Variants in LPIN2 observed in about 807,000 individuals in gnomAD.
The protein encoded by LPIN2 is phosphatidate phosphatase LPIN2.
A neutral mutation model predicts 111.4 loss-of-function variants in LPIN2; 55 were observed. That is an observed-to-expected ratio of 0.49 (90% CI 0.40 to 0.62). The LOEUF (loss-of-function observed/expected upper bound fraction) is 0.62. Among genes scored for constraint, LPIN2 ranks in the 20% least tolerant of loss-of-function variants. The pLI is 0.00. For synonymous variants in LPIN2, 425 were observed against 414.0 expected (o/e 1.03, Z -0.32); for missense variants, 992 against 1,112.1 (o/e 0.89, Z 1.54).
rs758110796 is a variant in LPIN2 at position 2,934,373 on chromosome 18, C to CAA, written c.1244_1245dup (p.Ala416LeufsTer91). ...TACCTTTTAGGGAAATAAAGAGCTGCAACTTCAGGTTCTAGACCCTTTAAG... is the reference window on the plus strand; with the variant it reads ...TACCTTTTAGGGAAATAAAGAGCTGCAAAACTTCAGGTTCTAGACCCTTTAAG... On this transcript the variant is annotated frameshift_variant, in exon 8 of 20. Transcript: ENST00000677752. LOFTEE classifies it high-confidence loss of function. 6.2e-7 allele frequency: 1 copy of CAA among 1,613,194 alleles called. No homozygotes were observed. The highest frequency in any genetic ancestry group is 8.5e-7 in the Non-Finnish European group (1 of 1,179,328).
intron 1 of LPIN2, among the ~76,000 whole-genome samples, chr18:3,006,666 T>A (rs1384595416): frequency 1.3e-5 from 2 of 152,018 alleles, no homozygotes; most frequent in African/African-American, 4.8e-5. Flanking sequence ...TGAAACCCCG[T>A]CTCTACTAAA....
intron 1 of LPIN2, among the ~76,000 whole-genome samples, chr18:2,973,654 T>C (rs1384683784): frequency 6.6e-6 from 1 of 152,224 alleles, no homozygotes; most frequent in African/African-American, 2.4e-5. Flanking sequence ...ATCCCCCTTA[T>C]CCAAAATGCT....
At chr18:2,926,669 G>A in intron 13 of LPIN2, 54 bp downstream of exon 13, 2 of 1,485,228 alleles carry the variant, frequency 1.3e-6, no homozygotes, top group South Asian at 1.1e-5. Flanking sequence ...TAGAAGTAAT[G>A]GCCCTGCTAG....
At chr18:2,943,488 A>C (rs550465683) in intron 4 of LPIN2, among the ~76,000 whole-genome samples, 25 of 152,096 alleles carry the variant, frequency 1.6e-4, no homozygotes, top group African/African-American at 4.8e-4. Flanking sequence ...CAATGTAACT[A>C]ATCTGAGGTT....
chr18:2,978,836 G>A (rs1326220783), intron 1 of LPIN2, among the ~76,000 whole-genome samples: 5 of 152,188 alleles, frequency 3.3e-5, no homozygotes, highest in African/African-American at 7.2e-5. Flanking sequence ...CCCGGTGCAC[G>A]TTGCAGTCAC....
chr18:2,999,466 G>A (rs986651623), intron 1 of LPIN2, among the ~76,000 whole-genome samples: 30 of 152,000 alleles, frequency 2.0e-4, no homozygotes, highest in Non-Finnish European at 3.5e-4. Flanking sequence ...TTAGCCGGGC[G>A]CGGTTGCAGG....
chr18:2,918,575 T>C lies in LPIN2; in HGVS notation c.*1718A>G, dbSNP rs904049522. The C allele has an allele frequency of 6.6e-6, 1 of 152,160 alleles. No homozygotes were observed. The highest frequency in any genetic ancestry group is 2.4e-5 in the African/African-American group (1 of 41,434). 9.4% of individuals were successfully genotyped at this position (152,160 alleles called of 1,614,324 possible). A position where few individuals can be genotyped will look rare whatever the true frequency, so the allele number is the denominator to read the frequency against. On this transcript the variant is annotated 3_prime_UTR_variant, in exon 20 of 20. Transcript: ENST00000677752. ...ATAAACTCATTAAACAATTAGTCCTTATCAACTATTTAAGCTGGGGGAAGC... is the reference window on the plus strand; with the variant it reads ...ATAAACTCATTAAACAATTAGTCCTCATCAACTATTTAAGCTGGGGGAAGC...
At chr18:2,922,644 T>C (rs2077072052) in intron 16 of LPIN2, among the ~76,000 whole-genome samples, 1 of 152,196 alleles carries the variant, frequency 6.6e-6, no homozygotes, top group Non-Finnish European at 1.5e-5. Context: ...ATTCTCAAAT[T>C]TAGCAGGAAA....
intron 1 of LPIN2, among the ~76,000 whole-genome samples, chr18:3,004,011 T>C (rs936843746): frequency 2.6e-5 from 4 of 152,058 alleles, no homozygotes; most frequent in African/African-American, 9.7e-5. Flanking sequence ...TGGGATTGTC[T>C]TATGCAGTTG....
chr18:2,969,838 C>G (rs2077875547), intron 1 of LPIN2, among the ~76,000 whole-genome samples: 1 of 152,186 alleles, frequency 6.6e-6, no homozygotes, highest in African/African-American at 2.4e-5. Context: ...GTTGCAAGAA[C>G]TTTCTCCTCT....
At chr18:3,008,324 C>T (rs779095313) in intron 1 of LPIN2, among the ~76,000 whole-genome samples, 1 of 152,192 alleles carries the variant, frequency 6.6e-6, no homozygotes, top group Non-Finnish European at 1.5e-5. Context: ...TCCCTGTGGT[C>T]CCAGCTACTC....
At chr18:2,921,234 A>G (rs1030031188) in intron 18 of LPIN2, 1 of 552,986 alleles carries the variant, frequency 1.8e-6, no homozygotes, top group Non-Finnish European at 3.2e-6. Context: ...GGGGTGATCC[A>G]AGGACGCAGC....
intron 1 of LPIN2, among the ~76,000 whole-genome samples, chr18:2,988,012 CAAAAAAAA>C (rs761121515): frequency 1.6e-3 from 51 of 32,346 alleles, no homozygotes; most frequent in South Asian, 6.8e-3. Context: ...GAGACTGTCT[CAAAAAAAA>C]AAAAAAAAAA....
intron 1 of LPIN2, among the ~76,000 whole-genome samples, chr18:2,970,257 A>C (rs919332107): frequency 1.3e-5 from 2 of 152,244 alleles, no homozygotes; most frequent in African/African-American, 4.8e-5. Context: ...CAATGATTTC[A>C]GTGCTCAGAG....
At chr18:2,921,944 G>A (rs549397459) in intron 17 of LPIN2, 103 bp downstream of exon 17, 124 of 1,431,428 alleles carry the variant, frequency 8.7e-5, no homozygotes, top group Non-Finnish European at 1.1e-4. Flanking sequence ...GAGGCGTGGC[G>A]GCTCCAACAT....
chr18:2,931,267 T>C lies in LPIN2; in HGVS notation c.1445A>G (p.Glu482Gly). 3 of 1,614,160 alleles carry C rather than the reference T, an allele frequency of 1.9e-6. No homozygotes were observed. Among genetic ancestry groups the C allele is most frequent in the South Asian group, 2.2e-5 (2 of 91,078 alleles). The change falls in exon 9 of 20, where the codon GAA becomes GGA. Residue 482 changes from glutamate (E) to glycine (G), a missense_variant. By Grantham distance (98) the Glu-to-Gly change is moderately conservative. Around this residue, in one of 4 missense-constraint regions of LPIN2, gnomAD observed 709 missense variants for 753.2 expected, o/e 0.94. Transcript: ENST00000677752. ...SLCGGLSENGEISKEKFMEHI... is the reference protein window; with the variant it reads ...SLCGGLSENGGISKEKFMEHI... The stretch of plus-strand genomic sequence containing the variant: ...AACACCCAACGTACCTTTTGAAATT[T>C]CTCCATTTTCACTGAGGCCCCCGCA...
At chr18:3,011,284 T>C (rs2078597769) in intron 1 of LPIN2, among the ~76,000 whole-genome samples, 1 of 152,256 alleles carries the variant, frequency 6.6e-6, no homozygotes, top group Non-Finnish European at 1.5e-5. Flanking sequence ...CTCTTAAGCA[T>C]AATGCGTGCC....
At chr18:2,946,111 CTTA>C (rs751178448) in intron 4 of LPIN2, 1 of 1,577,078 alleles carries the variant, frequency 6.3e-7, no homozygotes, top group Non-Finnish European at 8.7e-7. Flanking sequence ...GTCTTCTTTT[CTTA>C]TTTTCTTCAT....
intron 4 of LPIN2, among the ~76,000 whole-genome samples, chr18:2,944,138 C>T (rs543234795): frequency 7.6e-4 from 115 of 151,602 alleles, no homozygotes; most frequent in Non-Finnish European, 1.4e-3. Flanking sequence ...CCTATCCAAA[C>T]GATCTAATTC....
Sources: allele counts gnomAD v4.1 joint callset (sites outside exome capture counted in the v4.1 genomes callset), GRCh38; gene constraint gnomAD v4.1.1; regional missense constraint gnomAD v4.1.1; transcripts MANE v1.5; gene names NCBI Gene and HGNC (gene_info 2026-07-23, HGNC 2026-07-21).